USP49: variants seen among roughly 807,000 people sequenced by gnomAD.
USP49 encodes ubiquitin carboxyl-terminal hydrolase 49.
In USP49, 24 loss-of-function variants were observed where a neutral mutation model predicts 58.6. That is an observed-to-expected ratio of 0.41 (90% CI 0.30 to 0.58). The LOEUF (loss-of-function observed/expected upper bound fraction) is 0.58. USP49 is among the 20% of genes least tolerant of loss of function. The pLI is 0.30. For missense variants in USP49, 703 were observed against 866.1 expected (o/e 0.81, Z 2.36); for synonymous variants, 408 against 365.1 (o/e 1.12, Z -1.34).
intron 3 of USP49, among the ~76,000 whole-genome samples, chr6:41,865,235 G>A (rs112806071): frequency 0.031 from 4,776 of 152,052 alleles, 124 homozygotes; most frequent in African/African-American, 0.064. Context: ...TGTAGAGACG[G>A]GGTTTCACCA....
chr6:41,805,804 C>T lies in USP49; in HGVS notation c.1180G>A (p.Gly394Ser), dbSNP rs1773105425. 6.2e-7 allele frequency: 1 copy of T among 1,614,030 alleles called. No homozygotes were observed. Among genetic ancestry groups the T allele is most frequent in the Non-Finnish European group, 8.5e-7 (1 of 1,180,012 alleles). The change falls in exon 4 of 8, where the codon GGC becomes AGC. Residue 394 changes from glycine (G) to serine (S), a missense_variant. Coordinates refer to ENST00000682992, the MANE Select transcript of USP49 (RefSeq NM_001286554.2). ...SVWSLIPAFR[G>S]YDQQDAQEFL... ...TCCTGCGCGTCCTGTTGGTCGTAGC[C>T]GCGGAAGGCAGGGATCAGGCTCCAC... is the stretch of plus-strand genomic sequence containing the variant.
chr6:41,854,459 A>G, intron 3 of USP49, among the ~76,000 whole-genome samples: 1 of 152,184 alleles, frequency 6.6e-6, no homozygotes, highest in East Asian at 1.9e-4. Context: ...TAGGATCTTA[A>G]TCTACCAGTC....
intron 3 of USP49, among the ~76,000 whole-genome samples, chr6:41,818,693 A>G (rs1167443685): frequency 6.6e-6 from 1 of 152,212 alleles, no homozygotes; most frequent in Non-Finnish European, 1.5e-5. Flanking sequence ...CAACTTCCCT[A>G]TGAATCCCAA....
At chr6:41,848,261 T>A (rs1172972609) in intron 3 of USP49, among the ~76,000 whole-genome samples, 2 of 151,564 alleles carry the variant, frequency 1.3e-5, no homozygotes, top group African/African-American at 4.8e-5. Context: ...ACAAAAAAAA[T>A]CAACAAAACA....
rs1454530524 is a variant in USP49 at position 41,880,941 on chromosome 6, C to A, written c.-102-9304G>T. Among the ~76,000 whole-genome samples the A allele has an allele frequency of 2.6e-5, 4 of 151,558 alleles. No homozygotes were observed. The East Asian group carries it at 7.8e-4, about 29-fold the overall frequency. ...TTATTTATTTTATTTATTTTTTATTCTTTTATTTTGAGATGGAGTCTCGCT... is the reference window on the plus strand; with the variant it reads ...TTATTTATTTTATTTATTTTTTATTATTTTATTTTGAGATGGAGTCTCGCT... On this transcript the variant is annotated intron_variant, in intron 2 of 7. Coordinates refer to ENST00000682992, the MANE Select transcript of USP49 (RefSeq NM_001286554.2).
chr6:41,856,170 G>A (rs1046178682), intron 3 of USP49, among the ~76,000 whole-genome samples: 2 of 152,008 alleles, frequency 1.3e-5, no homozygotes, highest in East Asian at 1.9e-4. Flanking sequence ...TCAGGAGATC[G>A]AGACCATCCT....
intron 3 of USP49, among the ~76,000 whole-genome samples, chr6:41,824,112 T>A (rs901074598): frequency 6.6e-6 from 1 of 152,088 alleles, no homozygotes; most frequent in Non-Finnish European, 1.5e-5. Flanking sequence ...TTGTTACTCA[T>A]CCCCAGGCCA....
At chr6:41,847,581 G>T (rs1271753860) in intron 3 of USP49, among the ~76,000 whole-genome samples, 1 of 152,136 alleles carries the variant, frequency 6.6e-6, no homozygotes, top group African/African-American at 2.4e-5. Flanking sequence ...GGGCATGGTG[G>T]TGAGCACCTG....
chr6:41,883,140 G>A (rs1464129219), intron 2 of USP49, among the ~76,000 whole-genome samples: 1 of 151,798 alleles, frequency 6.6e-6, no homozygotes, highest in African/African-American at 2.4e-5. Flanking sequence ...CTGGTAACTA[G>A]AAATAAAAAT....
intron 7 of USP49, chr6:41,798,143 C>T (rs1772922143): frequency 6.5e-6 from 1 of 154,458 alleles, no homozygotes; most frequent in Non-Finnish European, 1.4e-5. Context: ...GTTGGAATTA[C>T]AGGTGTGAGC....
chr6:41,859,544 T>A (rs1209598766), intron 3 of USP49, among the ~76,000 whole-genome samples: 1 of 152,168 alleles, frequency 6.6e-6, no homozygotes, highest in African/African-American at 2.4e-5. Flanking sequence ...TGCTTGACTG[T>A]GTCCCAACTA....
At chr6:41,814,729 A>T (rs1489975297) in intron 3 of USP49, among the ~76,000 whole-genome samples, 2 of 152,204 alleles carry the variant, frequency 1.3e-5, no homozygotes, top group Admixed American at 6.5e-5. Flanking sequence ...TTGTTAACTA[A>T]GGACCGTAGA....
At chr6:41,875,009 A>G (rs1774479260) in intron 2 of USP49, among the ~76,000 whole-genome samples, 1 of 152,130 alleles carries the variant, frequency 6.6e-6, no homozygotes, top group Non-Finnish European at 1.5e-5. Context: ...AGAGAGAGAA[A>G]GAAAGACAAA....
chr6:41,866,069 C>A (rs371396252), intron 3 of USP49, among the ~76,000 whole-genome samples: 1 of 151,414 alleles, frequency 6.6e-6, no homozygotes, highest in Non-Finnish European at 1.5e-5. Context: ...CTACAGGCGC[C>A]CACCACCACG....
chr6:41,808,554 C>G (rs989472040), intron 3 of USP49, among the ~76,000 whole-genome samples: 3 of 151,804 alleles, frequency 2.0e-5, no homozygotes, highest in Admixed American at 6.6e-5. Context: ...GGACTAAAGG[C>G]GTGCGCCACC....
At chr6:41,800,746 A>G (rs996656833) in intron 5 of USP49, among the ~76,000 whole-genome samples, 2 of 152,210 alleles carry the variant, frequency 1.3e-5, no homozygotes, top group African/African-American at 4.8e-5. Context: ...CAGGCTTAGG[A>G]AAAAAAGGAT....
At position 41,809,549 on chromosome 6, in the gene USP49, G is replaced by C. The variant is rs573526322; in HGVS notation, c.-28-2538C>G. 5.4e-4 allele frequency among the ~76,000 whole-genome samples: 81 copies of C among 149,538 alleles called. 1 individual carries two copies. The highest frequency in any genetic ancestry group is 1.3e-3 in the South Asian group (6 of 4,694). ...CAAAAAGAAAATAATAAAATAGGCC[G>C]GGTACGGTGGCTCACACCTGTAATC... On this transcript the variant is annotated intron_variant, in intron 3 of 7. Transcript: ENST00000682992.
chr6:41,848,780 G>A (rs1055111456), intron 3 of USP49, among the ~76,000 whole-genome samples: 11 of 151,722 alleles, frequency 7.3e-5, no homozygotes, highest in East Asian at 2.0e-4. Context: ...GTGTGAACCC[G>A]GGAGGCAGAG....
At position 41,889,326 on chromosome 6, in the gene USP49, C is replaced by T. The variant is rs534311392; in HGVS notation, c.-103+2468G>A. On this transcript the variant is annotated intron_variant, in intron 2 of 7. Transcript: ENST00000682992. Reference sequence around the variant, plus strand: ...AGGATTACAGGTATGAGCCACCGCACGCAGCCAACCAATATTCTTAAAGCA... The same window carrying T: ...AGGATTACAGGTATGAGCCACCGCATGCAGCCAACCAATATTCTTAAAGCA... Among the ~76,000 whole-genome samples the T allele has an allele frequency of 8.5e-5, 13 of 152,318 alleles. No homozygotes were observed. The East Asian group carries it at 9.6e-4, about 11-fold the overall frequency.
Sources: gnomAD v4.1 joint callset for allele counts (sites outside exome capture counted in the v4.1 genomes callset) on GRCh38, gnomAD v4.1.1 for gene constraint, MANE v1.5 for transcripts, NCBI Gene and HGNC (gene_info 2026-07-23, HGNC 2026-07-21) for gene names.